The following CMSS1 variants were observed in gnomAD, a reference collection of about 807,000 sequenced individuals.
CMSS1 encodes protein CMSS1.
A neutral mutation model predicts 43.5 loss-of-function variants in CMSS1; 33 were observed. The observed-to-expected ratio is 0.76, with a 90% CI of 0.57 to 1.01. The LOEUF is 1.01. CMSS1 is among the 50% of genes least tolerant of loss of function. The pLI is 0.00. For synonymous variants in CMSS1, 115 were observed against 117.2 expected, an observed-to-expected ratio of 0.98 and a Z score of 0.12; for missense variants, 313 against 326.4, an observed-to-expected ratio of 0.96 and a Z score of 0.32.
intron 1 of CMSS1, among the ~76,000 whole-genome samples, chr3:99,982,939 T>C (rs920908555): frequency 1.3e-5 from 2 of 152,160 alleles, no homozygotes; most frequent in African/African-American, 4.8e-5. Flanking sequence ...ATCAAAGTAA[T>C]ACATACAGTG....
intron 1 of CMSS1, among the ~76,000 whole-genome samples, chr3:100,006,987 C>T (rs975546514): frequency 1.1e-4 from 16 of 152,178 alleles, no homozygotes; most frequent in African/African-American, 3.9e-4. Flanking sequence ...AAAACTTGAG[C>T]ATATTCATCT....
At chr3:100,133,369 A>G (rs2066725264) in intron 1 of CMSS1, among the ~76,000 whole-genome samples, 1 of 152,184 alleles carries the variant, frequency 6.6e-6, no homozygotes, top group Non-Finnish European at 1.5e-5. Context: ...TCATATACAC[A>G]CAGAGACAGA....
intron 1 of CMSS1, among the ~76,000 whole-genome samples, chr3:100,120,020 A>T (rs962190243): frequency 3.9e-5 from 6 of 152,374 alleles, no homozygotes; most frequent in Admixed American, 2.6e-4. Flanking sequence ...GAGCATCATA[A>T]TTTTCTCAAG....
intron 1 of CMSS1, among the ~76,000 whole-genome samples, chr3:99,819,557 A>G (rs1299492291): frequency 3.3e-5 from 5 of 152,232 alleles, no homozygotes; most frequent in African/African-American, 9.6e-5. Flanking sequence ...GTGAAGAAAC[A>G]GAAAAAAGTT....
chr3:100,160,547 C>T, intron 3 of CMSS1, 46 bp downstream of exon 3: 3 of 934,554 alleles, frequency 3.2e-6, no homozygotes, highest in South Asian at 2.9e-5. Flanking sequence ...ACATGGTTTC[C>T]ATCACATTTT....
intron 6 of CMSS1, among the ~76,000 whole-genome samples, chr3:100,170,493 C>T (rs557417107): frequency 6.6e-6 from 1 of 152,312 alleles, no homozygotes; most frequent in East Asian, 1.9e-4. Flanking sequence ...CACTTTCCAA[C>T]AGCCAGGATC....
chr3:99,819,375 A>G (rs1200929399), intron 1 of CMSS1, among the ~76,000 whole-genome samples: 1 of 152,204 alleles, frequency 6.6e-6, no homozygotes, highest in East Asian at 1.9e-4. Flanking sequence ...GGGGATCCCA[A>G]TTCTTGGTTC....
At chr3:100,127,646 C>T (rs2066673512) in intron 1 of CMSS1, among the ~76,000 whole-genome samples, 1 of 152,182 alleles carries the variant, frequency 6.6e-6, no homozygotes, top group African/African-American at 2.4e-5. Flanking sequence ...CATCCCATCT[C>T]TCACTTAGAA....
intron 1 of CMSS1, among the ~76,000 whole-genome samples, chr3:99,900,561 G>T (rs149433354): frequency 6.6e-6 from 1 of 152,170 alleles, no homozygotes; most frequent in African/African-American, 2.4e-5. Context: ...CATACCTTTA[G>T]CCCTATGTTA....
intron 1 of CMSS1, among the ~76,000 whole-genome samples, 176 bp downstream of exon 1, chr3:99,818,219 A>G (rs562477380): frequency 6.6e-6 from 1 of 152,374 alleles, no homozygotes; most frequent in Admixed American, 6.5e-5. Context: ...CGTGAAACAG[A>G]CAGCTGTGAC....
At chr3:100,090,361 C>T (rs942095452) in intron 1 of CMSS1, among the ~76,000 whole-genome samples, 1 of 152,208 alleles carries the variant, frequency 6.6e-6, no homozygotes, top group African/African-American at 2.4e-5. Context: ...GCTGGGAATG[C>T]AAGCATGGGA....
intron 1 of CMSS1, among the ~76,000 whole-genome samples, chr3:100,084,325 C>T (rs1410990884): frequency 6.6e-6 from 1 of 152,068 alleles, no homozygotes; most frequent in Non-Finnish European, 1.5e-5. Flanking sequence ...TTTCATGCTA[C>T]CCACATAAAA....
chr3:100,003,951 T>G (rs1709915292), intron 1 of CMSS1, among the ~76,000 whole-genome samples: 1 of 152,128 alleles, frequency 6.6e-6, no homozygotes, highest in South Asian at 2.1e-4. Context: ...ATTCAATGAG[T>G]CTATGCCTGG....
At chr3:99,990,700 A>G (rs1709485925) in intron 1 of CMSS1, among the ~76,000 whole-genome samples, 1 of 152,204 alleles carries the variant, frequency 6.6e-6, no homozygotes, top group Non-Finnish European at 1.5e-5. Flanking sequence ...ATATGCAGCC[A>G]GAGTTGAAAA....
intron 1 of CMSS1, among the ~76,000 whole-genome samples, chr3:100,036,123 C>G (rs1286154686): frequency 6.6e-6 from 1 of 152,158 alleles, no homozygotes; most frequent in Non-Finnish European, 1.5e-5. Flanking sequence ...TATAGTAGTT[C>G]CTAAATCCAC....
intron 1 of CMSS1, among the ~76,000 whole-genome samples, chr3:99,950,583 T>A (rs1241219913): frequency 6.6e-6 from 1 of 152,198 alleles, no homozygotes; most frequent in Non-Finnish European, 1.5e-5. Context: ...CTTGAAGTTT[T>A]AAAATGTGCT....
At chr3:99,925,149 A>G (rs928326819) in intron 1 of CMSS1, among the ~76,000 whole-genome samples, 3 of 152,188 alleles carry the variant, frequency 2.0e-5, no homozygotes. Context: ...TCGCTCTACC[A>G]GGACATGCTA....
At chr3:99,999,084 A>G (rs368214342) in intron 1 of CMSS1, among the ~76,000 whole-genome samples, 6 of 152,324 alleles carry the variant, frequency 3.9e-5, no homozygotes, top group East Asian at 3.9e-4. Context: ...TCCGTCATAT[A>G]TATCTCAGTT....
chr3:100,114,951 A>T (rs972906039), intron 1 of CMSS1: 2 of 1,535,576 alleles, frequency 1.3e-6, no homozygotes, highest in Admixed American at 2.0e-5. Context: ...AGGAGACACG[A>T]GGGCAAAGTG....
Sources: allele counts gnomAD v4.1 joint callset (sites outside exome capture counted in the v4.1 genomes callset), GRCh38; gene constraint gnomAD v4.1.1; transcripts MANE v1.5; gene names NCBI Gene and HGNC (gene_info 2026-07-23, HGNC 2026-07-21).